Variants in STKLD1 observed in about 807,000 individuals in gnomAD.
STKLD1 encodes serine/threonine kinase-like domain-containing protein STKLD1.
STKLD1 carries 79 observed loss-of-function variants against 80.4 expected under a neutral mutation model. That is an observed-to-expected ratio of 0.98 (90% CI 0.82 to 1.19). The LOEUF (loss-of-function observed/expected upper bound fraction) is 1.19, where lower values mean the gene tolerates loss of function less well. STKLD1 is among the 50% of genes most tolerant of loss of function. STKLD1 has a pLI of 0.00. For missense variants in STKLD1, 841 were observed against 856.0 expected (o/e 0.98, Z 0.22); for synonymous variants, 393 against 357.6 (o/e 1.10, Z -1.12).
Position 133,389,111 on chromosome 9 carries a change from A to G in STKLD1, c.397-415A>G, listed in dbSNP as rs1219240825. 8 of 985,228 alleles carry G rather than the reference A, an allele frequency of 8.1e-6. No individual in the cohort carries two copies. The highest frequency in any genetic ancestry group is 6.1e-5 in the Admixed American group (1 of 16,264). 61.0% of individuals were successfully genotyped at this position (985,228 alleles called of 1,614,324 possible). A position where few individuals can be genotyped will look rare whatever the true frequency, so the allele number is the denominator to read the frequency against. ...CAGAACACTCCTAGCATTCTCTCTC[A>G]GGGCTCTTTTCATTTGAATGACCTA... On this transcript the variant is annotated intron_variant, in intron 5 of 17. Coordinates refer to ENST00000371957, the MANE Select transcript of STKLD1 (RefSeq NM_153710.5). The surrounding 1 kb of genome is among the most constrained non-coding windows in gnomAD (Gnocchi z 6.4).
In STKLD1 at chr9:133,389,717, C is replaced by T; in HGVS notation, c.467+121C>T. ...GGGAGAAAGGTGCACCGGGCCAGTG[C>T]AGCCAGGATAGGATGGGACCTTACA... is the stretch of plus-strand genomic sequence containing the variant. On this transcript the variant is annotated intron_variant, in intron 6 of 17. Transcript: ENST00000371957. The surrounding 1 kb of genome is among the most constrained non-coding windows in gnomAD (Gnocchi z 6.4). The T allele has an allele frequency of 2.0e-6, 3 of 1,481,824 alleles. No individual in the cohort carries two copies. Among genetic ancestry groups the T allele is most frequent in the African/African-American group, 1.4e-5 (1 of 72,346 alleles). 91.8% of individuals were successfully genotyped at this position (1,481,824 alleles called of 1,614,324 possible).
At position 133,385,177 on chromosome 9, in the gene STKLD1, A is replaced by G. The variant is rs2130273944; in HGVS notation, c.220-440A>G. Among the ~76,000 whole-genome samples, 8 of 152,306 alleles carry G rather than the reference A, an allele frequency of 5.3e-5. No homozygotes were observed. Among genetic ancestry groups the G allele is most frequent in the Non-Finnish European group, 8.8e-5 (6 of 68,024 alleles). ...GGCTCCATGTCTCTAAGGCAGCCCT[A>G]TCTGCTCCTGTTTGGGCATGTTTCA... On this transcript the variant is annotated intron_variant, in intron 3 of 17. Coordinates refer to ENST00000371957, the MANE Select transcript of STKLD1 (RefSeq NM_153710.5). The surrounding 1 kb of genome is among the most constrained non-coding windows in gnomAD (Gnocchi z 4.9).
At position 133,404,696 on chromosome 9, in the gene STKLD1, G is replaced by T; in HGVS notation, c.1733-93G>T. On this transcript the variant is annotated intron_variant, in intron 16 of 17. Coordinates refer to ENST00000371957, the MANE Select transcript of STKLD1 (RefSeq NM_153710.5). ...GTCTCTTGTCCTGTCCCAGGCCCCT[G>T]TGTGAGCTCTGGGGTCCCATCCCGT... 2.6e-6 allele frequency: 4 copies of T among 1,515,822 alleles called. No individual in the cohort carries two copies. The South Asian group carries it at 5.1e-5, about 19-fold the overall frequency. The allele number at this position is 1,515,822 out of a possible 1,614,324, so 93.9% of individuals were successfully genotyped here.
chr9:133,404,208 AC>A (rs2130692269), intron 16 of STKLD1, among the ~76,000 whole-genome samples, 160 bp downstream of exon 16: 1 of 152,366 alleles, frequency 6.6e-6, no homozygotes, highest in Admixed American at 6.5e-5. Context: ...TCCAGAAATC[AC>A]CATCAAGACT....
chr9:133,388,578 T>C (rs2130282530), intron 5 of STKLD1: 26 of 218,322 alleles, frequency 1.2e-4, no homozygotes, highest in African/African-American at 5.9e-4. Flanking sequence ...CTTTTGATGA[T>C]GGAAAGTCCT....
In STKLD1 at chr9:133,403,995, C is replaced by T. The variant is rs782093937; in HGVS notation, c.1679C>T (p.Ala560Val). ...LQSIRLCQDR[A>V]LLVNNAYRGL... is the part of the protein sequence containing the mutation. ...AGCATCCGGCTGTGCCAGGACAGAG[C>T]CCTGCTGGTGAACAATGCCTACCGG... Residue 560 changes from alanine (A) to valine (V), a missense_variant, in exon 16 of 18, where the codon GCC becomes GTC. Transcript: ENST00000371957. 4 of 1,611,870 alleles carry T rather than the reference C, an allele frequency of 2.5e-6. No individual in the cohort carries two copies. Among genetic ancestry groups the T allele is most frequent in the Middle Eastern group, 1.7e-4 (1 of 5,840 alleles).
chr9:133,378,300 C>G (rs957877148), intron 1 of STKLD1, among the ~76,000 whole-genome samples: 4 of 152,206 alleles, frequency 2.6e-5, no homozygotes, highest in Admixed American at 1.3e-4. Flanking sequence ...ATCTCCTCCT[C>G]TGGGTCCTGC....
chr9:133,403,651 CA>C (rs1564385710), intron 14 of STKLD1, 48 bp from the exon 15 acceptor site: 1 of 1,589,498 alleles, frequency 6.3e-7, no homozygotes, highest in Non-Finnish European at 8.6e-7. Context: ...GGCCCCCCTG[CA>C]CACACCCAAG....
rs1310738538 is a variant in STKLD1, at chr9:133,403,839, T to C, written c.1603+11T>C. ...TGCTGTCCCTGCTGGGTGAGCTGGG[T>C]GGGCGCCCTGGGCCCCTGGGGCTGG... is the stretch of plus-strand genomic sequence containing the variant. On this transcript the variant is annotated intron_variant, in intron 15 of 17. Coordinates refer to ENST00000371957, the MANE Select transcript of STKLD1 (RefSeq NM_153710.5). 6.2e-7 allele frequency: 1 copy of C among 1,612,582 alleles called. No homozygotes were observed.
At chr9:133,381,450 C>CT (rs1248786226) in intron 2 of STKLD1, among the ~76,000 whole-genome samples, 8,562 of 91,038 alleles carry the variant, frequency 0.094, 794 homozygotes, top group African/African-American at 0.22. Flanking sequence ...CACCCAGCCG[C>CT]TTTTTTTTTT....
At chr9:133,377,532 G>A (rs2130254684) in intron 1 of STKLD1, among the ~76,000 whole-genome samples, 7 of 152,282 alleles carry the variant, frequency 4.6e-5, no homozygotes, top group East Asian at 1.9e-4. Flanking sequence ...GTGTGGTGGC[G>A]CATGCCTGTA....
chr9:133,399,419 C>T (rs1247662550), intron 11 of STKLD1, among the ~76,000 whole-genome samples: 1 of 152,172 alleles, frequency 6.6e-6, no homozygotes, highest in Non-Finnish European at 1.5e-5. Flanking sequence ...TCCCTCCCCT[C>T]CTCCTCTTCG....
rs1838504158 is a variant in STKLD1, at chr9:133,394,405, T to C, written c.698T>C (p.Met233Thr). The C allele has an allele frequency of 6.2e-7, 1 of 1,610,304 alleles. No individual in the cohort carries two copies. Residue 233 changes from methionine (M) to threonine (T), a missense_variant, in exon 8 of 18, where the codon ATG becomes ACG. Met to Thr is a moderately conservative substitution (Grantham distance 81). Transcript: ENST00000371957. This position sits in a 1 kb window ranked among gnomAD's most constrained non-coding sequence, Gnocchi z 4.9. ...CTGGACATGACCAGCTGCTCCTTCA[T>C]GGATGTGAGCCGCCCTCCCTCCCCC... Reference protein sequence around the residue: ...IILDMTSCSFMDGTEAMHLRK... With the variant: ...IILDMTSCSFTDGTEAMHLRK...
At chr9:133,391,813 C>G (rs1264008551) in intron 7 of STKLD1, among the ~76,000 whole-genome samples, 3 of 150,898 alleles carry the variant, frequency 2.0e-5, no homozygotes, top group African/African-American at 4.9e-5. Flanking sequence ...AAATCCCCCT[C>G]TGCGAGAAAC....
rs782407522 is a variant in STKLD1 at position 133,397,257 on chromosome 9, C to T, written c.960C>T (p.Thr320=). ...GGCAGATGGTGCCTGCGTCCATCAC[C>T]GACATGCTGTTAGAAGGCAACGTGG... is the stretch of plus-strand genomic sequence containing the variant. ...LHRQMVPASI[T]DMLLEGNVAS... is the part of the protein sequence containing the mutation. Residue 320 remains threonine, a synonymous_variant, in exon 10 of 18, where the codon ACC becomes ACT. Coordinates refer to ENST00000371957, the MANE Select transcript of STKLD1 (RefSeq NM_153710.5). 12 of 1,613,822 alleles carry T rather than the reference C, an allele frequency of 7.4e-6. No homozygotes were observed. The highest frequency in any genetic ancestry group is 6.6e-5 in the South Asian group (6 of 91,058).
At chr9:133,402,588 G>T (rs913129918) in intron 13 of STKLD1, among the ~76,000 whole-genome samples, 1 of 152,258 alleles carries the variant, frequency 6.6e-6, no homozygotes, top group Non-Finnish European at 1.5e-5. Flanking sequence ...GGCTGGCTCT[G>T]TGAGCCCAGG....
rs1838767778 is a variant in STKLD1, at chr9:133,403,725, G to A, written c.1500G>A (p.Leu500=). Residue 500 remains leucine, a synonymous_variant, in exon 15 of 18, where the codon TTG becomes TTA. Transcript: ENST00000371957. ...GTATCATTGTGAACAAGGCCCCCTTGGAGAAGGTCCCGGACCTCATCAGCC... is the reference window on the plus strand; with the variant it reads ...GTATCATTGTGAACAAGGCCCCCTTAGAGAAGGTCCCGGACCTCATCAGCC... The part of the protein sequence containing the change: ...LDGIIVNKAP[L]EKVPDLISQV... 1.2e-6 allele frequency: 2 copies of A among 1,613,654 alleles called. No individual in the cohort carries two copies. The highest frequency in any genetic ancestry group is 1.7e-5 in the Admixed American group (1 of 59,996).
Position 133,403,794 on chromosome 9 carries a change from C to G in STKLD1, c.1569C>G (p.Ala523=), listed in dbSNP as rs150582106. 794 of 1,613,692 alleles carry G rather than the reference C, an allele frequency of 4.9e-4. 5 individuals are homozygous for G. In the African/African-American group the frequency reaches 8.9e-3, roughly 18 times the overall value. Residue 523 remains alanine (A), a synonymous_variant, in exon 15 of 18, where the codon GCC becomes GCG. Transcript: ENST00000371957. ...CTGCGGATGGGGAAATGGCAGAAGCCAGCTGCGGAGTCTTCTGGCTGCTGT... is the reference window on the plus strand; with the variant it reads ...CTGCGGATGGGGAAATGGCAGAAGCGAGCTGCGGAGTCTTCTGGCTGCTGT... ...TYPADGEMAE[A]SCGVFWLLSL...
rs979517539 is a variant in STKLD1, at chr9:133,394,187, G to A, written c.584-104G>A. 82 of 755,908 alleles carry A rather than the reference G, an allele frequency of 1.1e-4. 3 individuals are homozygous for A. Among genetic ancestry groups the A allele is most frequent in the South Asian group, 1.0e-3 (67 of 67,100 alleles). 46.8% of individuals were successfully genotyped at this position (755,908 alleles called of 1,614,324 possible). On this transcript the variant is annotated intron_variant, in intron 7 of 17. Transcript: ENST00000371957. This position sits in a 1 kb window ranked among gnomAD's most constrained non-coding sequence, Gnocchi z 4.9. ...AGGGCTTGTGTTTCAAGCTGCTTGC[G>A]GGGGGCCACCAAAGGGGATACAGTG...
Sources: allele counts gnomAD v4.1 joint callset (sites outside exome capture counted in the v4.1 genomes callset), GRCh38; gene constraint gnomAD v4.1.1; non-coding constraint Gnocchi (gnomAD v3.1); transcripts MANE v1.5; gene names NCBI Gene and HGNC (gene_info 2026-07-23, HGNC 2026-07-21).